The following VASH2 variants were observed in gnomAD, a reference collection of about 807,000 sequenced individuals.
VASH2 encodes the protein vasohibin 2, also known as tubulinyl-Tyr carboxypeptidase 2.
A neutral mutation model predicts 37.2 loss-of-function variants in VASH2; 28 were observed. The observed-to-expected ratio is 0.75, with a 90% confidence interval of 0.56 to 1.03. The LOEUF (loss-of-function observed/expected upper bound fraction) is 1.03. Ranked by LOEUF, VASH2 falls within the 50% of genes least tolerant of loss-of-function variation. VASH2 has a pLI of 0.00. For missense variants in VASH2, 419 were observed against 459.1 expected (o/e 0.91, Z 0.80); for synonymous variants, 188 against 174.7 (o/e 1.08, Z -0.60).
chr1:212,954,779 T>TGCTAGAAGGTC (rs1666432289), intron 2 of VASH2, among the ~76,000 whole-genome samples: 2 of 152,024 alleles, frequency 1.3e-5, no homozygotes, highest in Admixed American at 1.3e-4. Context: ...ACTAGAAGGT[T>TGCTAGAAGGTC]ACGCGAAAAC....
chr1:212,954,838 T>C (rs910947678), intron 2 of VASH2, among the ~76,000 whole-genome samples: 3 of 152,224 alleles, frequency 2.0e-5, no homozygotes, highest in Admixed American at 6.5e-5. Flanking sequence ...GTCAGCTTTT[T>C]GGCCCTAAAT....
At chr1:212,977,458 G>A (rs745495830) in intron 7 of VASH2, among the ~76,000 whole-genome samples, 1 of 152,080 alleles carries the variant, frequency 6.6e-6, no homozygotes, top group Non-Finnish European at 1.5e-5. Flanking sequence ...GAGTGTTCAA[G>A]AGCAAAGGGA....
Position 212,971,328 on chromosome 1 carries a change from G to A in VASH2, c.498-1252G>A, listed in dbSNP as rs1667005690. Among the ~76,000 whole-genome samples, 1 of 152,212 alleles carries A rather than the reference G, an allele frequency of 6.6e-6. No individual in the cohort carries two copies. The highest frequency in any genetic ancestry group is 1.5e-5 in the Non-Finnish European group (1 of 68,036). On this transcript the variant is annotated intron_variant, in intron 5 of 7. Transcript: ENST00000517399. This position sits in a 1 kb window ranked among gnomAD's most constrained non-coding sequence, Gnocchi z 4.0. ...TATGCACCCAGAAGTGGAATTGCCA[G>A]GTCCTAGGGTAATCCTGTTGAATTA...
Position 212,988,818 on chromosome 1 carries a change from C to T in VASH2, c.*234C>T. 1 of 511,648 alleles carries T rather than the reference C, an allele frequency of 2.0e-6. No homozygotes were observed. Among genetic ancestry groups the T allele is most frequent in the Non-Finnish European group, 3.5e-6 (1 of 282,836 alleles). The allele number at this position is 511,648 out of a possible 1,614,324, so 31.7% of individuals were successfully genotyped here. ...CACTGGGGTTGGACTATGTCCCTCACTCAAGATCTTAAGGATAACCGTAAC... is the reference window on the plus strand; with the variant it reads ...CACTGGGGTTGGACTATGTCCCTCATTCAAGATCTTAAGGATAACCGTAAC... On this transcript the variant is annotated 3_prime_UTR_variant, in exon 8 of 8. Transcript: ENST00000517399.
intron 6 of VASH2, among the ~76,000 whole-genome samples, chr1:212,973,232 C>T (rs1186731791): frequency 2.0e-5 from 3 of 152,090 alleles, no homozygotes; most frequent in Admixed American, 6.6e-5. Context: ...TCTGTTTTGT[C>T]GATGTAATAG....
rs1401490550 is a variant in VASH2, at chr1:212,950,825, G to C, written c.-205+85G>C. ...TCCCGGTGATAGGCGCTGGAACTCG[G>C]GGAAAAGGGGGCGGATGGAGCTCTT... On this transcript the variant is annotated intron_variant, in intron 1 of 7. Coordinates refer to ENST00000517399, the MANE Select transcript of VASH2 (RefSeq NM_001301056.2). This position sits in a 1 kb window ranked among gnomAD's most constrained non-coding sequence, Gnocchi z 5.5. The C allele has an allele frequency of 6.5e-6, 1 of 152,890 alleles. No homozygotes were observed. Among genetic ancestry groups the C allele is most frequent in the African/African-American group, 2.4e-5 (1 of 41,462 alleles). 9.5% of individuals were successfully genotyped at this position (152,890 alleles called of 1,614,324 possible). A position where few individuals can be genotyped will look rare whatever the true frequency, so the allele number is the denominator to read the frequency against.
intron 7 of VASH2, among the ~76,000 whole-genome samples, chr1:212,986,760 T>A (rs747337390): frequency 3.3e-5 from 5 of 152,036 alleles, no homozygotes; most frequent in Non-Finnish European, 7.4e-5. Flanking sequence ...CACACTGAAG[T>A]GTAGGGATTT....
chr1:212,987,737 A>G (rs1230015121), intron 7 of VASH2, among the ~76,000 whole-genome samples: 1 of 152,246 alleles, frequency 6.6e-6, no homozygotes, highest in African/African-American at 2.4e-5. Flanking sequence ...CCAAGGTGAG[A>G]AGAGGCTCAT....
At chr1:212,973,929 T>C in intron 6 of VASH2, 26 bp from the exon 7 acceptor site, 1 of 1,608,532 alleles carries the variant, frequency 6.2e-7, no homozygotes, top group Non-Finnish European at 8.5e-7. Flanking sequence ...GGAACCAGGG[T>C]GATTAACTCC....
At chr1:212,978,157 G>A (rs1667233521) in intron 7 of VASH2, among the ~76,000 whole-genome samples, 1 of 152,130 alleles carries the variant, frequency 6.6e-6, no homozygotes. Context: ...GGGCCCAACT[G>A]GTCACTCTCC....
At chr1:212,952,952 A>C (rs193272327) in intron 2 of VASH2, among the ~76,000 whole-genome samples, 14 of 152,274 alleles carry the variant, frequency 9.2e-5, no homozygotes, top group Admixed American at 7.2e-4. Flanking sequence ...GGAGATCTTC[A>C]TTGTGCCCAA....
chr1:212,987,479 C>A (rs1035272611), intron 7 of VASH2, among the ~76,000 whole-genome samples: 5 of 152,096 alleles, frequency 3.3e-5, no homozygotes, highest in Admixed American at 6.6e-5. Flanking sequence ...GAGGGTGAGG[C>A]AGGAGAATCA....
intron 3 of VASH2, among the ~76,000 whole-genome samples, chr1:212,962,111 G>C (rs1247208987): frequency 1.3e-5 from 2 of 152,212 alleles, no homozygotes; most frequent in Admixed American, 6.5e-5. Flanking sequence ...CGAGCTTGAA[G>C]AAGACTTAAG....
chr1:212,977,944 G>A (rs1248226891), intron 7 of VASH2, among the ~76,000 whole-genome samples: 1 of 152,184 alleles, frequency 6.6e-6, no homozygotes, highest in African/African-American at 2.4e-5. Flanking sequence ...TGAGTTGGCG[G>A]TTGACCCTGA....
rs764305989 is a variant in VASH2, at chr1:212,988,596, C to A, written c.*12C>A. 18 of 1,613,860 alleles carry A rather than the reference C, an allele frequency of 1.1e-5. No homozygotes were observed. Among genetic ancestry groups the A allele is most frequent in the Non-Finnish European group, 1.5e-5 (18 of 1,179,890 alleles). On this transcript the variant is annotated 3_prime_UTR_variant, in exon 8 of 8. Transcript: ENST00000517399. ...AAATCCGAATTTAGCCAAGCCATAC[C>A]GGCCAGCAAGAGGGTTTCTGTGGTG... is the stretch of plus-strand genomic sequence containing the variant.
chr1:212,959,581 G>A (rs1666608214), intron 2 of VASH2, among the ~76,000 whole-genome samples: 3 of 152,250 alleles, frequency 2.0e-5, no homozygotes, highest in African/African-American at 4.8e-5. Flanking sequence ...GAGGCAGTGA[G>A]AGGAAAGGAA....
intron 3 of VASH2, 137 bp downstream of exon 3, chr1:212,961,391 C>T (rs1031062326): frequency 3.4e-5 from 52 of 1,521,988 alleles, no homozygotes; most frequent in Middle Eastern, 4.0e-4. Flanking sequence ...AGGGATGTCC[C>T]GGGTGGGAGT....
intron 5 of VASH2, chr1:212,968,720 A>G (rs1037201054): frequency 2.0e-6 from 2 of 985,404 alleles, no homozygotes; most frequent in African/African-American, 1.7e-5. Flanking sequence ...CTTTAGTGGC[A>G]GGAGTCAGCC....
At chr1:212,953,889 G>A (rs1350360669) in intron 2 of VASH2, among the ~76,000 whole-genome samples, 2 of 152,036 alleles carry the variant, frequency 1.3e-5, no homozygotes, top group African/African-American at 4.8e-5. Flanking sequence ...TCCACAGATA[G>A]CTCCTTTTGC....
Sources: allele counts gnomAD v4.1 joint callset (sites outside exome capture counted in the v4.1 genomes callset), GRCh38; gene constraint gnomAD v4.1.1; non-coding constraint Gnocchi (gnomAD v3.1); transcripts MANE v1.5; gene names NCBI Gene and HGNC (gene_info 2026-07-23, HGNC 2026-07-21).